Variants in MAPKAP1 observed in about 807,000 individuals in gnomAD.
MAPKAP1 encodes MAPK associated protein 1, also known as target of rapamycin complex 2 subunit MAPKAP1.
Under a neutral mutation model 65.7 loss-of-function variants are expected in MAPKAP1, and 20 were observed. That is an observed-to-expected ratio of 0.30 (90% confidence interval 0.21 to 0.44). The LOEUF (loss-of-function observed/expected upper bound fraction) is 0.44. Ranked by LOEUF, MAPKAP1 falls within the 20% of genes least tolerant of loss-of-function variation. MAPKAP1 has a pLI of 1.00. For synonymous variants in MAPKAP1, 222 were observed against 244.3 expected (o/e 0.91, Z 0.85); for missense variants, 423 against 648.0 (o/e 0.65, Z 3.77).
chr9:125,457,767 C>T (rs1435291387), intron 10 of MAPKAP1, among the ~76,000 whole-genome samples: 1 of 152,234 alleles, frequency 6.6e-6, no homozygotes, highest in African/African-American at 2.4e-5. Flanking sequence ...ACTAAATGCC[C>T]TGGATGCTCC....
intron 6 of MAPKAP1, among the ~76,000 whole-genome samples, chr9:125,548,653 A>G (rs946184592): frequency 6.6e-6 from 1 of 152,208 alleles, no homozygotes; most frequent in Non-Finnish European, 1.5e-5. Context: ...AATATCTGTC[A>G]TATAATAAAT....
chr9:125,691,851 T>C (rs1454898394), intron 1 of MAPKAP1, among the ~76,000 whole-genome samples: 1 of 152,256 alleles, frequency 6.6e-6, no homozygotes, highest in Non-Finnish European at 1.5e-5. Flanking sequence ...GGCATTTGAC[T>C]TCCTATCACT....
intron 4 of MAPKAP1, among the ~76,000 whole-genome samples, chr9:125,643,720 C>T: frequency 6.6e-6 from 1 of 152,100 alleles, no homozygotes; most frequent in African/African-American, 2.4e-5. Context: ...TGATTAATTC[C>T]TAAGAATACA....
chr9:125,704,547 C>T lies in MAPKAP1; in HGVS notation c.-70+2424G>A, dbSNP rs147883762. Among the ~76,000 whole-genome samples the T allele has an allele frequency of 4.6e-5, 7 of 152,244 alleles. No homozygotes were observed. The East Asian group carries it at 1.3e-3, about 29-fold the overall frequency. ...GACCCAATTTTACTTCTTTTTGTATCCCCAAGGTCTAACATTTTGCTTGGC... is the reference window on the plus strand; with the variant it reads ...GACCCAATTTTACTTCTTTTTGTATTCCCAAGGTCTAACATTTTGCTTGGC... On this transcript the variant is annotated intron_variant, in intron 1 of 11. Coordinates refer to ENST00000265960, the MANE Select transcript of MAPKAP1 (RefSeq NM_001006617.3).
At chr9:125,672,701 A>G (rs916292361) in intron 1 of MAPKAP1, 58 bp from the exon 2 acceptor site, 3 of 1,085,668 alleles carry the variant, frequency 2.8e-6, no homozygotes, top group Non-Finnish European at 1.3e-6. Context: ...TGACTGAATC[A>G]TTTTTCAGAC....
intron 6 of MAPKAP1, among the ~76,000 whole-genome samples, chr9:125,545,949 G>C (rs1830408978): frequency 6.6e-6 from 1 of 152,118 alleles, no homozygotes; most frequent in African/African-American, 2.4e-5. Context: ...ATCCATTGTG[G>C]CACAATGTAA....
At chr9:125,612,436 G>A (rs187944976) in intron 4 of MAPKAP1, among the ~76,000 whole-genome samples, 5 of 151,922 alleles carry the variant, frequency 3.3e-5, no homozygotes, top group Non-Finnish European at 7.4e-5. Context: ...TTTTATGTTA[G>A]CTCTTTAATG....
At chr9:125,565,610 A>G (rs1831026266) in intron 5 of MAPKAP1, 1 of 360,708 alleles carries the variant, frequency 2.8e-6, no homozygotes, top group African/African-American at 2.2e-5. Flanking sequence ...TCAGAAGCTG[A>G]TATCTCTGAA....
At chr9:125,606,931 T>C (rs1660364758) in intron 4 of MAPKAP1, among the ~76,000 whole-genome samples, 1 of 152,128 alleles carries the variant, frequency 6.6e-6, no homozygotes, top group Non-Finnish European at 1.5e-5. Context: ...AGCAAATAAA[T>C]GCGCTTTGGA....
intron 1 of MAPKAP1, among the ~76,000 whole-genome samples, chr9:125,700,627 G>C (rs1835567146): frequency 6.6e-6 from 1 of 152,044 alleles, no homozygotes; most frequent in Non-Finnish European, 1.5e-5. Context: ...CAAATTTTGT[G>C]TTGCCTATAT....
chr9:125,486,973 C>T (rs984188128), intron 8 of MAPKAP1, among the ~76,000 whole-genome samples: 1 of 152,208 alleles, frequency 6.6e-6, no homozygotes. Flanking sequence ...TTGCCTGTCT[C>T]TGCCATTAGA....
chr9:125,681,483 C>A (rs1425609132), intron 1 of MAPKAP1, among the ~76,000 whole-genome samples: 1 of 152,224 alleles, frequency 6.6e-6, no homozygotes, highest in Non-Finnish European at 1.5e-5. Flanking sequence ...GTCTCTTCTT[C>A]TATCAAATGT....
rs979487146 is a variant in MAPKAP1 at position 125,559,880 on chromosome 9, G to A, written c.672-71C>T. On this transcript the variant is annotated intron_variant, in intron 5 of 11. Coordinates refer to ENST00000265960, the MANE Select transcript of MAPKAP1 (RefSeq NM_001006617.3). ...GGACAAGAAGACCAGAGGGTATGGTGCACAGCAAGCAAATTGAGGAGACTG... is the reference window on the plus strand; with the variant it reads ...GGACAAGAAGACCAGAGGGTATGGTACACAGCAAGCAAATTGAGGAGACTG... 30 of 1,441,182 alleles carry A rather than the reference G, an allele frequency of 2.1e-5. No homozygotes were observed. In the South Asian group the frequency reaches 2.2e-4, roughly 11 times the overall value. 89.3% of individuals were successfully genotyped at this position (1,441,182 alleles called of 1,614,324 possible).
chr9:125,495,696 G>A (rs982971620), intron 8 of MAPKAP1, among the ~76,000 whole-genome samples: 1 of 152,216 alleles, frequency 6.6e-6, no homozygotes, highest in Non-Finnish European at 1.5e-5. Context: ...GAAGTTCTCA[G>A]CCCACACAGC....
intron 11 of MAPKAP1, among the ~76,000 whole-genome samples, chr9:125,442,689 G>A (rs1008791590): frequency 2.6e-5 from 4 of 152,082 alleles, no homozygotes; most frequent in African/African-American, 2.4e-5. Flanking sequence ...AGGCAGGCCC[G>A]TGTCCCCACT....
At chr9:125,600,211 AT>A (rs1175316340) in intron 4 of MAPKAP1, among the ~76,000 whole-genome samples, 1 of 151,262 alleles carries the variant, frequency 6.6e-6, no homozygotes, top group Non-Finnish European at 1.5e-5. Context: ...GGGGGGAAGT[AT>A]GAAGGAAAAA....
At chr9:125,598,587 C>T (rs535401328) in intron 4 of MAPKAP1, among the ~76,000 whole-genome samples, 2 of 152,178 alleles carry the variant, frequency 1.3e-5, no homozygotes, top group South Asian at 4.1e-4. Flanking sequence ...TGATTAAGAG[C>T]ACAAGTCGGG....
chr9:125,538,869 T>G (rs1435782736), intron 7 of MAPKAP1, among the ~76,000 whole-genome samples: 1 of 152,156 alleles, frequency 6.6e-6, no homozygotes, highest in Non-Finnish European at 1.5e-5. Flanking sequence ...AGATACGTTA[T>G]GGATCGATAT....
chr9:125,690,054 C>T (rs1347100788), intron 1 of MAPKAP1, among the ~76,000 whole-genome samples: 1 of 152,198 alleles, frequency 6.6e-6, no homozygotes, highest in Admixed American at 6.5e-5. Context: ...CGCCATTGCA[C>T]TCCAGCCTGG....
Sources: allele counts gnomAD v4.1 joint callset (sites outside exome capture counted in the v4.1 genomes callset), GRCh38; gene constraint gnomAD v4.1.1; transcripts MANE v1.5; gene names NCBI Gene and HGNC (gene_info 2026-07-23, HGNC 2026-07-21).